Variants in PLCG2 observed in about 807,000 individuals in gnomAD.
PLCG2 encodes 1-phosphatidylinositol 4,5-bisphosphate phosphodiesterase gamma-2.
A neutral mutation model predicts 175.6 loss-of-function variants in PLCG2; 69 were observed. The observed-to-expected ratio is 0.39, with a 90% CI of 0.32 to 0.48. PLCG2 has a LOEUF of 0.48. PLCG2 is among the 20% of genes least tolerant of loss of function. The pLI, the probability that PLCG2 is intolerant of heterozygous loss-of-function variation, is 0.91. For synonymous variants in PLCG2, 827 were observed against 624.0 expected, an observed-to-expected ratio of 1.33 and a Z score of -4.85; for missense variants, 1,798 against 1,650.9, an observed-to-expected ratio of 1.09 and a Z score of -1.54.
intron 2 of PLCG2, among the ~76,000 whole-genome samples, chr16:81,832,108 G>C (rs1226094108): frequency 1.3e-5 from 2 of 152,040 alleles, no homozygotes; most frequent in Non-Finnish European, 1.5e-5. Context: ...TAAATGGAGG[G>C]GGGGAATAGT....
chr16:81,960,825 C>T lies in PLCG2; in HGVS notation c.*2827C>T. 4.4e-6 allele frequency: 1 copy of T among 229,702 alleles called. No homozygotes were observed. The highest frequency in any genetic ancestry group is 8.6e-6 in the Non-Finnish European group (1 of 115,830). The allele number at this position is 229,702 out of a possible 1,614,324, so 14.2% of individuals were successfully genotyped here. Reference sequence around the variant, plus strand: ...CCTTACCCCTGGGAGTATACCAGAGCTTTCCAAGGAATACACAGACTCCAG... The same window carrying T: ...CCTTACCCCTGGGAGTATACCAGAGTTTTCCAAGGAATACACAGACTCCAG... On this transcript the variant is annotated 3_prime_UTR_variant, in exon 33 of 33. Coordinates refer to ENST00000564138, the MANE Select transcript of PLCG2 (RefSeq NM_002661.5).
chr16:81,822,011 G>C (rs1414055956), intron 2 of PLCG2, among the ~76,000 whole-genome samples: 1 of 152,144 alleles, frequency 6.6e-6, no homozygotes, highest in Non-Finnish European at 1.5e-5. Context: ...GTGTTAACTA[G>C]GGAAGATGAG....
chr16:81,860,172 ATTT>A (rs1555513300), intron 5 of PLCG2, among the ~76,000 whole-genome samples: 60 of 120,596 alleles, frequency 5.0e-4, no homozygotes, highest in African/African-American at 9.0e-4. Context: ...TATTATTATT[ATTT>A]TTTTTTTTTT....
chr16:81,886,195 T>C (rs1482584004), intron 9 of PLCG2, among the ~76,000 whole-genome samples: 1 of 152,158 alleles, frequency 6.6e-6, no homozygotes, highest in Non-Finnish European at 1.5e-5. Flanking sequence ...CACCTAGTGG[T>C]GGTTGACTTT....
At chr16:81,900,838 G>T in intron 14 of PLCG2, 58 bp downstream of exon 14, 1 of 1,505,836 alleles carries the variant, frequency 6.6e-7, no homozygotes, top group Non-Finnish European at 9.1e-7. Flanking sequence ...TCGGTTCCCC[G>T]GCTCTGGGTC....
At chr16:81,778,035 A>AACAAAC (rs1555505450), upstream of PLCG2, among the ~76,000 whole-genome samples, 1 of 85,446 alleles carries the variant, frequency 1.2e-5, no homozygotes, top group South Asian at 5.2e-4. Context: ...AAAAAAACAA[A>AACAAAC]AAAAAAACAA....
At chr16:81,845,262 A>C (rs73590842) in intron 2 of PLCG2, among the ~76,000 whole-genome samples, 2,321 of 152,272 alleles carry the variant, frequency 0.015, 65 homozygotes, top group African/African-American at 0.053. Flanking sequence ...CTTATGCCTT[A>C]TATGTGTCCA....
chr16:81,808,561 T>A (rs1324918357), intron 2 of PLCG2, among the ~76,000 whole-genome samples: 1 of 152,136 alleles, frequency 6.6e-6, no homozygotes, highest in Non-Finnish European at 1.5e-5. Context: ...TGGCATGATC[T>A]CGGCTCGCTA....
intron 15 of PLCG2, among the ~76,000 whole-genome samples, chr16:81,907,101 C>A (rs1182561594): frequency 6.6e-6 from 1 of 150,380 alleles, no homozygotes; most frequent in East Asian, 1.9e-4. Flanking sequence ...TGTAAGAAAC[C>A]TGCACAGTGT....
At chr16:81,876,016 CTTTTT>C (rs547152035) in intron 7 of PLCG2, among the ~76,000 whole-genome samples, 75 of 115,012 alleles carry the variant, frequency 6.5e-4, no homozygotes, top group African/African-American at 2.2e-3. Flanking sequence ...CTTTTTCTTT[CTTTTT>C]TTTTTTTTTT....
chr16:81,883,219 C>G (rs765800968), intron 8 of PLCG2, 50 bp from the exon 9 acceptor site: 25 of 1,546,220 alleles, frequency 1.6e-5, no homozygotes, highest in Non-Finnish European at 2.1e-5. Flanking sequence ...CTCTCGACTC[C>G]TCTGTTGAAT....
Position 81,910,546 on chromosome 16 carries a change from G to A in PLCG2, c.1760G>A (p.Arg587Gln). 6.2e-7 allele frequency: 1 copy of A among 1,614,112 alleles called. No homozygotes were observed. The highest frequency in any genetic ancestry group is 8.5e-7 in the Non-Finnish European group (1 of 1,179,998). Residue 587 changes from arginine (R) to glutamine (Q), a missense_variant, in exon 18 of 33, where the codon CGG becomes CAG. Physicochemically the swap from Arg to Gln is conservative, Grantham distance 43. Coordinates refer to ENST00000564138, the MANE Select transcript of PLCG2 (RefSeq NM_002661.5). ...CGGTCAGGCCGGGTCCAGCACTGCC[G>A]GATCCGCTCCACCATGGAGGGCGGG... Reference protein sequence around the residue: ...FWRSGRVQHCRIRSTMEGGTL... With the variant: ...FWRSGRVQHCQIRSTMEGGTL...
chr16:81,824,430 G>A (rs969570083), intron 2 of PLCG2, among the ~76,000 whole-genome samples: 2 of 152,148 alleles, frequency 1.3e-5, no homozygotes, highest in African/African-American at 2.4e-5. Context: ...CACTGCACAT[G>A]GCCCCAGCCA....
intron 17 of PLCG2, 125 bp from the exon 18 acceptor site, chr16:81,910,395 G>A (rs887450370): frequency 6.1e-6 from 5 of 824,828 alleles, no homozygotes; most frequent in Non-Finnish European, 9.8e-6. Flanking sequence ...CCAGCCTCCT[G>A]TGTCTGTTCT....
chr16:81,911,243 A>G (rs567295659), intron 18 of PLCG2, among the ~76,000 whole-genome samples: 1 of 151,794 alleles, frequency 6.6e-6, no homozygotes, highest in East Asian at 1.9e-4. Context: ...TTTTTTTTTC[A>G]CTTTTTCTGT....
chr16:81,823,348 C>T (rs1178747776), intron 2 of PLCG2, among the ~76,000 whole-genome samples: 1 of 152,178 alleles, frequency 6.6e-6, no homozygotes, highest in Admixed American at 6.5e-5. Flanking sequence ...GAGCTGCTTG[C>T]TCGCAGAGGC....
chr16:81,936,923 T>C (rs1478979255), intron 27 of PLCG2, among the ~76,000 whole-genome samples: 4 of 152,162 alleles, frequency 2.6e-5, no homozygotes, highest in African/African-American at 9.7e-5. Context: ...CAATCATTTA[T>C]TTAATAAGTC....
intron 7 of PLCG2, among the ~76,000 whole-genome samples, chr16:81,874,404 A>G (rs994883005): frequency 2.6e-5 from 4 of 152,192 alleles, no homozygotes; most frequent in Non-Finnish European, 4.4e-5. Context: ...CATTTTAAAA[A>G]TTTAATTTAG....
At chr16:81,941,633 G>A (rs1167406641) in intron 30 of PLCG2, among the ~76,000 whole-genome samples, 2 of 150,328 alleles carry the variant, frequency 1.3e-5, no homozygotes, top group Non-Finnish European at 2.9e-5. Flanking sequence ...ATAATAATGA[G>A]TATTCATTTG....
Sources: gnomAD v4.1 joint callset for allele counts (sites outside exome capture counted in the v4.1 genomes callset) on GRCh38, gnomAD v4.1.1 for gene constraint, MANE v1.5 for transcripts, NCBI Gene and HGNC (gene_info 2026-07-23, HGNC 2026-07-21) for gene names.